The following MEF2C variants were observed in gnomAD, a reference collection of about 807,000 sequenced individuals.
MEF2C encodes myocyte enhancer factor 2C, also known as myocyte-specific enhancer factor 2C.
In MEF2C, 6 loss-of-function variants were observed where a neutral mutation model predicts 50.5. The observed-to-expected ratio is 0.12, with a 90% confidence interval of 0.07 to 0.23. The LOEUF is 0.23. Ranked by LOEUF, MEF2C falls within the 10% of genes least tolerant of loss-of-function variation. MEF2C has a pLI of 1.00. For missense variants in MEF2C, 276 were observed against 605.0 expected (o/e 0.46, Z 5.70); for synonymous variants, 183 against 228.0 (o/e 0.80, Z 1.78).
At position 88,734,328 on chromosome 5, in the gene MEF2C, T is replaced by C; in HGVS notation, c.638-2427A>G. 5 of 985,284 alleles carry C rather than the reference T, an allele frequency of 5.1e-6. No homozygotes were observed. In the South Asian group the frequency reaches 2.3e-4, roughly 46 times the overall value. 61.0% of individuals were successfully genotyped at this position (985,284 alleles called of 1,614,324 possible). ...ATAAACAATCAAATGGAAAATTAGC[T>C]GGGTAATTTCAAAAGAAGGGGGAGA... On this transcript the variant is annotated intron_variant, in intron 6 of 10. Coordinates refer to ENST00000504921, the MANE Select transcript of MEF2C (RefSeq NM_002397.5).
chr5:88,757,360 A>G (rs770609746), intron 4 of MEF2C, among the ~76,000 whole-genome samples: 3 of 151,604 alleles, frequency 2.0e-5, no homozygotes, highest in Non-Finnish European at 4.4e-5. Flanking sequence ...TTTTTTTGCC[A>G]CTAATGACAC....
At chr5:88,835,196 T>C (rs905897243) in intron 1 of MEF2C, among the ~76,000 whole-genome samples, 12 of 152,292 alleles carry the variant, frequency 7.9e-5, no homozygotes, top group Admixed American at 3.3e-4. Context: ...GTGTAAAATA[T>C]AGAATTATAT....
chr5:88,783,158 T>G (rs1435721682), intron 3 of MEF2C, among the ~76,000 whole-genome samples: 1 of 152,198 alleles, frequency 6.6e-6, no homozygotes, highest in African/African-American at 2.4e-5. Context: ...ACTTATTGCT[T>G]GATGACATGG....
intron 6 of MEF2C, chr5:88,740,301 C>A (rs1766042062): frequency 1.0e-6 from 1 of 978,074 alleles, no homozygotes; most frequent in Non-Finnish European, 1.2e-6. Flanking sequence ...AGACAATGAG[C>A]TTTTAACGTA....
At chr5:88,880,660 C>A (rs1832555519) in intron 1 of MEF2C, among the ~76,000 whole-genome samples, 1 of 151,738 alleles carries the variant, frequency 6.6e-6, no homozygotes, top group African/African-American at 2.4e-5. Context: ...TAAGTTAGGG[C>A]CAAGGAAAAA....
At chr5:88,847,915 C>A (rs186619796) in intron 1 of MEF2C, among the ~76,000 whole-genome samples, 1 of 152,092 alleles carries the variant, frequency 6.6e-6, no homozygotes, top group Non-Finnish European at 1.5e-5. Context: ...AAGTTCCTCA[C>A]ATTTGAATTT....
chr5:88,788,178 G>GTTTGTTTGTTTGTTTA (rs71613095), intron 3 of MEF2C, among the ~76,000 whole-genome samples: 1 of 89,096 alleles, frequency 1.1e-5, no homozygotes, highest in Non-Finnish European at 2.7e-5. Flanking sequence ...TTGTTTGTTT[G>GTTTGTTTGTTTGTTTA]TTTATTTATT....
At chr5:88,741,238 A>T in intron 6 of MEF2C, 1 of 985,434 alleles carries the variant, frequency 1.0e-6, no homozygotes, top group Non-Finnish European at 1.2e-6. Flanking sequence ...ATAACCAGAA[A>T]GGCTAGAAAA....
chr5:88,838,681 T>A (rs1289134839), intron 1 of MEF2C: 1 of 985,246 alleles, frequency 1.0e-6, no homozygotes, highest in East Asian at 1.1e-4. Context: ...TAACCAGCTC[T>A]GGTATGACCC....
upstream of MEF2C, chr5:88,884,585 T>TC (rs1345427661): frequency 3.4e-5 from 3 of 88,280 alleles, no homozygotes; most frequent in African/African-American, 1.3e-4. Context: ...GTTCCCCCCC[T>TC]CCCCCCACTC....
At chr5:88,750,056 T>TGAAAAAA (rs1201534678) in intron 5 of MEF2C, 1 of 588,684 alleles carries the variant, frequency 1.7e-6, no homozygotes, top group Non-Finnish European at 2.1e-6. Flanking sequence ...CTTTTAGTTT[T>TGAAAAAA]GAAAAAAACA....
chr5:88,827,088 A>T (rs1401771748), intron 1 of MEF2C: 1 of 151,964 alleles, frequency 6.6e-6, no homozygotes. Flanking sequence ...AGTTTGGCAT[A>T]AGCAGGCAGA....
intron 1 of MEF2C, chr5:88,824,446 G>A: frequency 1.5e-6 from 1 of 676,836 alleles, no homozygotes; most frequent in Non-Finnish European, 1.8e-6. Context: ...ATATGTAAAT[G>A]TCAACTAATT....
chr5:88,851,536 T>A (rs1024652543), intron 1 of MEF2C, among the ~76,000 whole-genome samples: 2 of 152,136 alleles, frequency 1.3e-5, no homozygotes, highest in African/African-American at 2.4e-5. Flanking sequence ...CCTGTACAAG[T>A]ATTGGATGCA....
In MEF2C at chr5:88,823,822, A is replaced by G. The variant is rs557361748; in HGVS notation, c.-34T>C. ...TTTTTCTTCTCTCTCTCGTCCCTGA[A>G]ATTATGTATTTTTTCCTTCCTTTTC... On this transcript the variant is annotated 5_prime_UTR_variant, in exon 2 of 11. Transcript: ENST00000504921. 1 of 1,603,412 alleles carries G rather than the reference A, an allele frequency of 6.2e-7. No individual in the cohort carries two copies. Among genetic ancestry groups the G allele is most frequent in the Admixed American group, 1.7e-5 (1 of 59,306 alleles).
chr5:88,769,883 T>C (rs1781623520), intron 3 of MEF2C: 7 of 839,352 alleles, frequency 8.3e-6, no homozygotes, highest in Non-Finnish European at 1.0e-5. Flanking sequence ...TGACCTCATG[T>C]AATCCACCCA....
intron 6 of MEF2C, chr5:88,743,355 T>G: frequency 1.0e-6 from 1 of 985,386 alleles, no homozygotes; most frequent in Non-Finnish European, 1.2e-6. Flanking sequence ...CAGAGAAGTC[T>G]TTCTGGCCAA....
Position 88,735,915 on chromosome 5 carries a change from T to C in MEF2C, c.638-4014A>G, listed in dbSNP as rs528610652. ...ATTTGGATGTTTAGGCATTTTGAGT[T>C]TTCTTCACTTGTTTCTTTTTCTTTT... is the stretch of plus-strand genomic sequence containing the variant. On this transcript the variant is annotated intron_variant, in intron 6 of 10. Transcript: ENST00000504921. The C allele has an allele frequency of 8.1e-6, 8 of 985,392 alleles. No individual in the cohort carries two copies. In the African/African-American group the frequency reaches 1.4e-4, roughly 17 times the overall value. 61.0% of individuals were successfully genotyped at this position (985,392 alleles called of 1,614,324 possible).
At chr5:88,811,762 ATC>A (rs1254348912) in intron 2 of MEF2C, among the ~76,000 whole-genome samples, 1 of 152,184 alleles carries the variant, frequency 6.6e-6, no homozygotes. Context: ...AAAAATAATT[ATC>A]CAGATTGATA....
Sources: allele counts gnomAD v4.1 joint callset (sites outside exome capture counted in the v4.1 genomes callset), GRCh38; gene constraint gnomAD v4.1.1; transcripts MANE v1.5; gene names NCBI Gene and HGNC (gene_info 2026-07-23, HGNC 2026-07-21).